Variants in MLLT10 observed in about 807,000 individuals in gnomAD.
MLLT10 encodes the protein protein AF-10.
Under a neutral mutation model 129.1 loss-of-function variants are expected in MLLT10, and 30 were observed. That is an observed-to-expected ratio of 0.23 (90% CI 0.17 to 0.32). The LOEUF is 0.32. Among genes scored for constraint, MLLT10 ranks in the 10% least tolerant of loss-of-function variants. The pLI, the probability that MLLT10 is intolerant of heterozygous loss-of-function variation, is 1.00. For synonymous variants in MLLT10, 490 were observed against 446.4 expected (o/e 1.10, Z -1.23); for missense variants, 1,119 against 1,268.3 (o/e 0.88, Z 1.79).
At chr10:21,604,580 A>C (rs997418654) in intron 5 of MLLT10, among the ~76,000 whole-genome samples, 3 of 152,116 alleles carry the variant, frequency 2.0e-5, no homozygotes, top group Non-Finnish European at 4.4e-5. Context: ...CAAGAGTGAG[A>C]CTGTTTAAAA....
chr10:21,730,152 CGTGGTAGTGT>C (rs2131570004), intron 16 of MLLT10, among the ~76,000 whole-genome samples: 1 of 151,724 alleles, frequency 6.6e-6, no homozygotes, highest in South Asian at 2.1e-4. Flanking sequence ...AAAAGCTGTG[CGTGGTAGTGT>C]GTGCTCTTGT....
intron 3 of MLLT10, among the ~76,000 whole-genome samples, chr10:21,539,429 T>A (rs905163293): frequency 3.9e-5 from 6 of 152,000 alleles, no homozygotes; most frequent in African/African-American, 1.5e-4. Context: ...TTTTTTTTTT[T>A]TTTAACTTGG....
At chr10:21,585,309 ATTC>A (rs1159785864) in intron 3 of MLLT10, among the ~76,000 whole-genome samples, 1 of 152,118 alleles carries the variant, frequency 6.6e-6, no homozygotes, top group Non-Finnish European at 1.5e-5. Context: ...TCAGGAACAT[ATTC>A]TTCTTGGTAA....
chr10:21,654,634 C>G (rs963824809), intron 9 of MLLT10, among the ~76,000 whole-genome samples: 2 of 152,156 alleles, frequency 1.3e-5, no homozygotes, highest in African/African-American at 4.8e-5. Context: ...ATGGGCAAGA[C>G]TTAAAGGTGA....
intron 3 of MLLT10, among the ~76,000 whole-genome samples, chr10:21,548,849 CG>C (rs1378674358): frequency 1.3e-5 from 2 of 151,904 alleles, no homozygotes; most frequent in Non-Finnish European, 1.5e-5. Flanking sequence ...GAATTATATT[CG>C]TTTTTTTATT....
intron 16 of MLLT10, among the ~76,000 whole-genome samples, chr10:21,729,190 T>C (rs1251915924): frequency 6.6e-6 from 1 of 152,172 alleles, no homozygotes; most frequent in Non-Finnish European, 1.5e-5. Context: ...TGTGATTAAT[T>C]CTATGTTGTT....
intron 13 of MLLT10, among the ~76,000 whole-genome samples, chr10:21,707,178 A>C (rs2055594414): frequency 6.6e-6 from 1 of 150,812 alleles, no homozygotes; most frequent in Admixed American, 6.6e-5. Flanking sequence ...ATTTGTCATC[A>C]AGTTTAGATG....
chr10:21,569,020 A>G (rs1400028135), intron 3 of MLLT10, among the ~76,000 whole-genome samples: 3 of 152,194 alleles, frequency 2.0e-5, no homozygotes, highest in Admixed American at 6.5e-5. Flanking sequence ...CTAGATTAAT[A>G]TCACAGTTGT....
chr10:21,732,536 C>T (rs2058054262), intron 17 of MLLT10, among the ~76,000 whole-genome samples: 2 of 152,312 alleles, frequency 1.3e-5, no homozygotes, highest in South Asian at 2.1e-4. Flanking sequence ...GACTTCAATG[C>T]AAAATAGTGA....
intron 3 of MLLT10, among the ~76,000 whole-genome samples, chr10:21,551,227 C>T (rs1015488443): frequency 7.0e-6 from 1 of 143,126 alleles, no homozygotes; most frequent in Non-Finnish European, 1.5e-5. Context: ...GCCCGGCCAA[C>T]TTATCTTTGA....
At chr10:21,737,405 G>A (rs2058461636) in intron 21 of MLLT10, among the ~76,000 whole-genome samples, 1 of 152,180 alleles carries the variant, frequency 6.6e-6, no homozygotes, top group African/African-American at 2.4e-5. Context: ...CATTTTGAAT[G>A]TGACAGCGTG....
chr10:21,558,844 G>A (rs1204538459), intron 3 of MLLT10, among the ~76,000 whole-genome samples: 1 of 151,716 alleles, frequency 6.6e-6, no homozygotes, highest in Non-Finnish European at 1.5e-5. Flanking sequence ...ATGTGCCTTT[G>A]TGCGAGAACC....
chr10:21,741,634 C>T (rs1264603439), intron 22 of MLLT10, among the ~76,000 whole-genome samples: 1 of 152,210 alleles, frequency 6.6e-6, no homozygotes, highest in African/African-American at 2.4e-5. Flanking sequence ...TCATTCTCTA[C>T]AGTACCATGT....
At chr10:21,677,532 A>G (rs1054236606) in intron 11 of MLLT10, among the ~76,000 whole-genome samples, 1 of 152,200 alleles carries the variant, frequency 6.6e-6, no homozygotes, top group African/African-American at 2.4e-5. Context: ...ATTCTTTTCT[A>G]GATTTCTTAT....
intron 8 of MLLT10, among the ~76,000 whole-genome samples, chr10:21,643,531 T>C (rs1056486669): frequency 2.6e-5 from 4 of 152,224 alleles, no homozygotes; most frequent in African/African-American, 9.6e-5. Context: ...CTTTTTTCAA[T>C]AATAAGTTCT....
At chr10:21,550,400 A>G (rs977554475) in intron 3 of MLLT10, among the ~76,000 whole-genome samples, 6 of 152,172 alleles carry the variant, frequency 3.9e-5, no homozygotes, top group Non-Finnish European at 8.8e-5. Context: ...TTGTCCTTAT[A>G]TAGGGAACCC....
chr10:21,636,037 A>C (rs1174865137), intron 8 of MLLT10, among the ~76,000 whole-genome samples: 1 of 150,594 alleles, frequency 6.6e-6, no homozygotes, highest in African/African-American at 2.5e-5. Flanking sequence ...TTCAGCACTT[A>C]ACCTAGCCTT....
chr10:21,586,185 A>G, intron 3 of MLLT10, 109 bp from the exon 4 acceptor site: 4 of 836,586 alleles, frequency 4.8e-6, no homozygotes, highest in African/African-American at 1.7e-5. Context: ...GGGGGCAACT[A>G]GGACAAATGC....
At chr10:21,536,093 C>T (rs1235594486) in intron 2 of MLLT10, among the ~76,000 whole-genome samples, 3 of 152,176 alleles carry the variant, frequency 2.0e-5, no homozygotes, top group Non-Finnish European at 4.4e-5. Flanking sequence ...CAAGCACACC[C>T]TAGCACACCG....
Sources: allele counts gnomAD v4.1 joint callset (sites outside exome capture counted in the v4.1 genomes callset), GRCh38; gene constraint gnomAD v4.1.1; transcripts MANE v1.5; gene names NCBI Gene and HGNC (gene_info 2026-07-23, HGNC 2026-07-21).